B4GALT5: variants seen among roughly 807,000 people sequenced by gnomAD.
B4GALT5 encodes the protein beta-1,4-galactosyltransferase 5.
In B4GALT5, 11 loss-of-function variants were observed where a neutral mutation model predicts 45.0. That is an observed-to-expected ratio of 0.24 (90% CI 0.15 to 0.40). The LOEUF (loss-of-function observed/expected upper bound fraction) is 0.40, where lower values mean the gene tolerates loss of function less well. Among genes scored for constraint, B4GALT5 ranks in the 10% least tolerant of loss-of-function variants. B4GALT5 has a pLI of 1.00. For synonymous variants in B4GALT5, 185 were observed against 182.9 expected (o/e 1.01, Z -0.09); for missense variants, 337 against 500.2 (o/e 0.67, Z 3.11).
At chr20:49,654,173 G>A (rs1413715774) in intron 2 of B4GALT5, among the ~76,000 whole-genome samples, 15 of 152,204 alleles carry the variant, frequency 9.9e-5, no homozygotes, top group Admixed American at 8.5e-4. Flanking sequence ...GTACTGCCTC[G>A]TTTCTTCACC....
intron 1 of B4GALT5, among the ~76,000 whole-genome samples, chr20:49,710,655 T>C (rs1444962015): frequency 6.6e-6 from 1 of 152,020 alleles, no homozygotes; most frequent in East Asian, 1.9e-4. Context: ...CCTGACCTCA[T>C]GATCCACCCA....
chr20:49,675,681 G>A (rs2085734420), intron 1 of B4GALT5, among the ~76,000 whole-genome samples: 1 of 152,180 alleles, frequency 6.6e-6, no homozygotes, highest in African/African-American at 2.4e-5. Flanking sequence ...GGTTTCTTCA[G>A]CTGTCTGAAG....
At chr20:49,696,170 A>G (rs1056716735) in intron 1 of B4GALT5, among the ~76,000 whole-genome samples, 1 of 152,228 alleles carries the variant, frequency 6.6e-6, no homozygotes, top group East Asian at 1.9e-4. Flanking sequence ...CAGACTCTCA[A>G]TCATTCAAAG....
At chr20:49,697,602 C>T (rs1158741050) in intron 1 of B4GALT5, among the ~76,000 whole-genome samples, 18 of 144,980 alleles carry the variant, frequency 1.2e-4, no homozygotes, top group Non-Finnish European at 2.0e-4. Context: ...AACAGAAAAA[C>T]ACTCATTTAG....
intron 1 of B4GALT5, among the ~76,000 whole-genome samples, chr20:49,666,184 G>C (rs1166691400): frequency 6.6e-6 from 1 of 152,182 alleles, no homozygotes; most frequent in Non-Finnish European, 1.5e-5. Flanking sequence ...AAGATTCTGT[G>C]TGTAGAATCC....
At chr20:49,680,030 T>C (rs1236523350) in intron 1 of B4GALT5, among the ~76,000 whole-genome samples, 2 of 152,372 alleles carry the variant, frequency 1.3e-5, no homozygotes, top group Middle Eastern at 3.4e-3. Context: ...TTTGACTTGA[T>C]TGCTACCTTT....
chr20:49,694,658 AGGAAAGGGAAAG>A (rs141210680), intron 1 of B4GALT5, among the ~76,000 whole-genome samples: 265 of 143,032 alleles, frequency 1.9e-3, no homozygotes, highest in East Asian at 8.1e-3. Context: ...GAAAGGGAAA[AGGAAAGGGAAAG>A]GGAAAGGGAA....
intron 4 of B4GALT5, 95 bp from the exon 5 acceptor site, chr20:49,642,679 A>G (rs2085582013): frequency 1.3e-6 from 1 of 784,446 alleles, no homozygotes; most frequent in South Asian, 1.7e-5. Flanking sequence ...AACCCATGGG[A>G]GTTCTGGGAG....
chr20:49,661,092 T>C (rs939057834), intron 1 of B4GALT5, among the ~76,000 whole-genome samples: 6 of 152,244 alleles, frequency 3.9e-5, no homozygotes, highest in Non-Finnish European at 7.3e-5. Flanking sequence ...CTCTGTGAAG[T>C]AGATATCATC....
chr20:49,693,451 C>T (rs979332431), intron 1 of B4GALT5, among the ~76,000 whole-genome samples: 1 of 152,204 alleles, frequency 6.6e-6, no homozygotes, highest in African/African-American at 2.4e-5. Flanking sequence ...AGCTAAGAAT[C>T]ATTAGGCTCC....
At chr20:49,688,730 G>A (rs1406449400) in intron 1 of B4GALT5, among the ~76,000 whole-genome samples, 1 of 152,132 alleles carries the variant, frequency 6.6e-6, no homozygotes, top group Non-Finnish European at 1.5e-5. Flanking sequence ...CCTAAGGTCA[G>A]GAGTTCGAGA....
At chr20:49,673,335 G>A (rs866146281) in intron 1 of B4GALT5, among the ~76,000 whole-genome samples, 40 of 151,932 alleles carry the variant, frequency 2.6e-4, no homozygotes, top group African/African-American at 8.7e-4. Context: ...AGCCGAGATC[G>A]TGCCACTGCA....
chr20:49,663,690 A>AAAAAAAAAATATATAT (rs1555812124), intron 1 of B4GALT5, among the ~76,000 whole-genome samples: 2 of 96,962 alleles, frequency 2.1e-5, no homozygotes, highest in African/African-American at 8.9e-5. Flanking sequence ...AAAAAAAAAA[A>AAAAAAAAAATATATAT]ATATATACAT....
At chr20:49,649,870 C>CT (rs1222357571) in intron 2 of B4GALT5, among the ~76,000 whole-genome samples, 2 of 152,140 alleles carry the variant, frequency 1.3e-5, no homozygotes, top group Non-Finnish European at 2.9e-5. Flanking sequence ...GAGACGCTGG[C>CT]TGGAAACATG....
rs766354374 is a variant in B4GALT5 at position 49,636,176 on chromosome 20, C to T, written c.*136G>A. ...TTGTGCGTGTGCTGTCACATTTTCCCCCTGAACTCTGTGATCCTTCATGAG... is the reference window on the plus strand; with the variant it reads ...TTGTGCGTGTGCTGTCACATTTTCCTCCTGAACTCTGTGATCCTTCATGAG... On this transcript the variant is annotated 3_prime_UTR_variant, in exon 9 of 9. Transcript: ENST00000371711. 1.5e-4 allele frequency: 183 copies of T among 1,188,678 alleles called. No homozygotes were observed. Among genetic ancestry groups the T allele is most frequent in the Non-Finnish European group, 2.1e-4 (175 of 845,992 alleles). The allele number at this position is 1,188,678 out of a possible 1,614,324, so 73.6% of individuals were successfully genotyped here.
intron 3 of B4GALT5, among the ~76,000 whole-genome samples, chr20:49,645,923 A>G (rs933507067): frequency 6.6e-6 from 1 of 151,878 alleles, no homozygotes; most frequent in East Asian, 2.0e-4. Context: ...TGGCACGATC[A>G]TGGCACACTG....
At chr20:49,698,593 TCCTC>T (rs1278685819) in intron 1 of B4GALT5, among the ~76,000 whole-genome samples, 1 of 151,908 alleles carries the variant, frequency 6.6e-6, no homozygotes, top group Non-Finnish European at 1.5e-5. Context: ...ACATTGAACT[TCCTC>T]CCACTCTCGC....
At chr20:49,677,773 T>TCTCA (rs1316427121) in intron 1 of B4GALT5, among the ~76,000 whole-genome samples, 1 of 152,144 alleles carries the variant, frequency 6.6e-6, no homozygotes, top group Non-Finnish European at 1.5e-5. Context: ...TGGGATGGAG[T>TCTCA]CTCACTCTAA....
In B4GALT5 at chr20:49,647,005, G is replaced by A; in HGVS notation, c.324C>T (p.Tyr108=). The A allele has an allele frequency of 1.2e-6, 2 of 1,614,060 alleles. No homozygotes were observed. Among genetic ancestry groups the A allele is most frequent in the Non-Finnish European group, 1.7e-6 (2 of 1,179,914 alleles). The change falls in exon 3 of 9, where the codon TAC becomes TAT. Residue 108 remains tyrosine (Y), a synonymous_variant. Coordinates refer to ENST00000371711, the MANE Select transcript of B4GALT5 (RefSeq NM_004776.4). The part of the protein sequence containing the change: ...TTTFLPEDFT[Y]FANHTCPERL... ...TTTCAGGGCAGGTATGGTTTGCAAAGTAGGTGAAGTCTTCAGGAAGAAATG... is the reference window on the plus strand; with the variant it reads ...TTTCAGGGCAGGTATGGTTTGCAAAATAGGTGAAGTCTTCAGGAAGAAATG...
Sources: allele counts gnomAD v4.1 joint callset (sites outside exome capture counted in the v4.1 genomes callset), GRCh38; gene constraint gnomAD v4.1.1; transcripts MANE v1.5; gene names NCBI Gene and HGNC (gene_info 2026-07-23, HGNC 2026-07-21).